The following NAALADL2 variants were observed in gnomAD, a reference collection of about 807,000 sequenced individuals.
The protein encoded by NAALADL2 is N-acetylated alpha-linked acidic dipeptidase like 2.
Under a neutral mutation model 87.2 loss-of-function variants are expected in NAALADL2, and 76 were observed. That is an observed-to-expected ratio of 0.87 (90% CI 0.72 to 1.05). The LOEUF is 1.05. NAALADL2 is among the 50% of genes least tolerant of loss of function. NAALADL2 has a pLI of 0.00. For missense variants in NAALADL2, 1,089 were observed against 945.8 expected, an observed-to-expected ratio of 1.15 and a Z score of -1.99; for synonymous variants, 354 against 331.0, an observed-to-expected ratio of 1.07 and a Z score of -0.75.
chr3:174,648,232 A>G (rs573338103), intron 2 of NAALADL2, among the ~76,000 whole-genome samples: 12 of 152,248 alleles, frequency 7.9e-5, no homozygotes, highest in African/African-American at 2.9e-4. Flanking sequence ...CTGAGACAAG[A>G]GAATCGCTTG....
intron 2 of NAALADL2, among the ~76,000 whole-genome samples, chr3:175,151,900 G>T (rs1731600368): frequency 6.6e-6 from 1 of 152,136 alleles, no homozygotes; most frequent in Non-Finnish European, 1.5e-5. Flanking sequence ...TCAGTGAAGG[G>T]AACATAGTAA....
At chr3:175,137,432 A>G (rs1484489465) in intron 2 of NAALADL2, among the ~76,000 whole-genome samples, 3 of 152,272 alleles carry the variant, frequency 2.0e-5, no homozygotes, top group East Asian at 1.9e-4. Flanking sequence ...CTATAAAATG[A>G]CATGCCTTAA....
At chr3:175,638,287 C>CT (rs1560894800) in intron 11 of NAALADL2, among the ~76,000 whole-genome samples, 1 of 152,122 alleles carries the variant, frequency 6.6e-6, no homozygotes, top group East Asian at 1.9e-4. Context: ...TCTGTGATTC[C>CT]TTTTCACCTT....
At chr3:174,598,534 A>T (rs528101411) in intron 2 of NAALADL2, among the ~76,000 whole-genome samples, 76 of 152,262 alleles carry the variant, frequency 5.0e-4, no homozygotes, top group African/African-American at 1.8e-3. Context: ...TTAATTAATT[A>T]GTTCTCCGAA....
intron 2 of NAALADL2, among the ~76,000 whole-genome samples, chr3:175,101,049 AG>A (rs1157672375): frequency 3.9e-5 from 6 of 152,024 alleles, no homozygotes; most frequent in Non-Finnish European, 7.4e-5. Flanking sequence ...AAGGAAAATG[AG>A]AAGTCTCCAG....
intron 1 of NAALADL2, among the ~76,000 whole-genome samples, chr3:175,058,601 G>A (rs895348795): frequency 1.1e-4 from 16 of 152,286 alleles, no homozygotes; most frequent in Middle Eastern, 6.8e-3. Context: ...AACACTTGGT[G>A]GAGGCAGGCA....
intron 11 of NAALADL2, among the ~76,000 whole-genome samples, chr3:175,700,121 A>G (rs1315165049): frequency 6.6e-6 from 1 of 152,144 alleles, no homozygotes; most frequent in Non-Finnish European, 1.5e-5. Flanking sequence ...AGCAGACGTT[A>G]AAGTATCTGT....
intron 2 of NAALADL2, among the ~76,000 whole-genome samples, chr3:175,194,703 G>T (rs1738717220): frequency 6.6e-6 from 1 of 151,604 alleles, no homozygotes; most frequent in South Asian, 2.1e-4. Flanking sequence ...AATAATTATG[G>T]CTCAGTTGGT....
intron 1 of NAALADL2, among the ~76,000 whole-genome samples, chr3:174,521,619 T>G (rs1720302030): frequency 6.6e-6 from 1 of 151,304 alleles, no homozygotes; most frequent in South Asian, 2.1e-4. Context: ...AATACTGTCT[T>G]TTGCAGAAAC....
At chr3:175,258,902 A>G (rs1347944295) in intron 4 of NAALADL2, among the ~76,000 whole-genome samples, 4 of 152,194 alleles carry the variant, frequency 2.6e-5, no homozygotes, top group African/African-American at 4.8e-5. Flanking sequence ...AAAAATAAAT[A>G]TGCATGCGTT....
chr3:175,415,229 T>C (rs575936613), intron 5 of NAALADL2, among the ~76,000 whole-genome samples: 5 of 152,316 alleles, frequency 3.3e-5, no homozygotes, highest in African/African-American at 1.2e-4. Context: ...GTTTTTGTCA[T>C]TACTTTTGTG....
chr3:174,823,607 T>C (rs970404362), intron 3 of NAALADL2, among the ~76,000 whole-genome samples: 5 of 152,250 alleles, frequency 3.3e-5, no homozygotes, highest in Admixed American at 2.0e-4. Context: ...TCTTTAGTGG[T>C]ACAAGAACAA....
chr3:174,973,864 G>C lies in NAALADL2; in HGVS notation c.43+114414G>C, dbSNP rs146697342. 3.3e-5 allele frequency among the ~76,000 whole-genome samples: 5 copies of C among 152,212 alleles called. No individual in the cohort carries two copies. In the East Asian group the frequency reaches 5.8e-4, roughly 18 times the overall value. On this transcript the variant is annotated intron_variant, in intron 1 of 13. Transcript: ENST00000454872. ...TTATGGGACCGCCATCAAATATGTG[G>C]TCCATTGAAACATCATCATGTGGCA... is the stretch of plus-strand genomic sequence containing the variant.
intron 2 of NAALADL2, among the ~76,000 whole-genome samples, chr3:174,633,985 TA>T (rs912170502): frequency 6.6e-5 from 10 of 152,178 alleles, no homozygotes; most frequent in African/African-American, 2.4e-4. Flanking sequence ...TTGTTACCTG[TA>T]AAACAGAAGT....
At chr3:175,483,311 G>T (rs1374032486) in intron 9 of NAALADL2, among the ~76,000 whole-genome samples, 5 of 146,412 alleles carry the variant, frequency 3.4e-5, no homozygotes, top group Admixed American at 3.4e-4. Context: ...AATTGCAATT[G>T]ACTTTACTTT....
At chr3:174,508,898 A>G (rs1303057237) in intron 1 of NAALADL2, among the ~76,000 whole-genome samples, 1 of 152,094 alleles carries the variant, frequency 6.6e-6, no homozygotes, top group Admixed American at 6.5e-5. Context: ...ATATAATAAC[A>G]ATTAATTTCT....
In NAALADL2 at chr3:175,588,829, T is replaced by C. The variant is rs184127042; in HGVS notation, c.1800+12642T>C. On this transcript the variant is annotated intron_variant, in intron 10 of 13. Transcript: ENST00000454872. ...CTGGGATTATAGGCGTGAGCCACCG[T>C]GCCCTGCCAGGAGACTTTCTAAGCA... Among the ~76,000 whole-genome samples the C allele has an allele frequency of 1.1e-3, 162 of 152,230 alleles. 1 individual carries two copies. The Middle Eastern group carries it at 0.014, about 13-fold the overall frequency.
intron 11 of NAALADL2, among the ~76,000 whole-genome samples, chr3:175,716,435 T>G (rs1741305748): frequency 6.6e-6 from 1 of 151,064 alleles, no homozygotes; most frequent in Non-Finnish European, 1.5e-5. Flanking sequence ...CTCTAAGAGA[T>G]AAAAATGTTG....
chr3:175,002,168 T>C (rs1397184433), intron 1 of NAALADL2, among the ~76,000 whole-genome samples: 2 of 152,198 alleles, frequency 1.3e-5, no homozygotes, highest in Non-Finnish European at 2.9e-5. Flanking sequence ...TTTTGCTTAT[T>C]CCCTGCTCTA....
Sources: allele counts gnomAD v4.1 joint callset (sites outside exome capture counted in the v4.1 genomes callset), GRCh38; gene constraint gnomAD v4.1.1; transcripts MANE v1.5; gene names NCBI Gene and HGNC (gene_info 2026-07-23, HGNC 2026-07-21).